The following HERC4 variants were observed in gnomAD, a reference collection of about 807,000 sequenced individuals.
The protein encoded by HERC4 is probable E3 ubiquitin-protein ligase HERC4.
HERC4 carries 28 observed loss-of-function variants against 124.3 expected under a neutral mutation model. The observed-to-expected ratio is 0.23, with a 90% confidence interval of 0.17 to 0.31. HERC4 has a LOEUF of 0.31. Ranked by LOEUF, HERC4 falls within the 10% of genes least tolerant of loss-of-function variation. The pLI is 1.00. For synonymous variants in HERC4, 407 were observed against 421.5 expected (o/e 0.97, Z 0.42); for missense variants, 713 against 1,229.3 (o/e 0.58, Z 6.28).
At position 68,069,699 on chromosome 10, in the gene HERC4, C is replaced by T. The variant is rs115256237; in HGVS notation, c.226+3184G>A. The T allele has an allele frequency of 1.5e-3, 1,497 of 985,410 alleles. 16 individuals carry two copies. The African/African-American group carries it at 0.025, about 16-fold the overall frequency. 61.0% of individuals were successfully genotyped at this position (985,410 alleles called of 1,614,324 possible). A position where few individuals can be genotyped will look rare whatever the true frequency, so the allele number is the denominator to read the frequency against. On this transcript the variant is annotated intron_variant, in intron 3 of 24. Transcript: ENST00000373700. ...TATAAAGCCAACCTATGTAAAGAAA[C>T]AATTCTTAGTTCCCTCCATTCCATG...
intron 19 of HERC4, among the ~76,000 whole-genome samples, chr10:67,951,220 C>T (rs1476262172): frequency 8.5e-5 from 13 of 152,108 alleles, no homozygotes; most frequent in Admixed American, 7.9e-4. Context: ...AGCACAGCCC[C>T]CAACCTCATA....
intron 7 of HERC4, 105 bp from the exon 8 acceptor site, chr10:68,025,781 C>T (rs1157953519): frequency 9.1e-6 from 10 of 1,096,930 alleles, no homozygotes; most frequent in Admixed American, 2.7e-5. Context: ...AGTTTTTTCT[C>T]TTCTAAGAAC....
intron 14 of HERC4, among the ~76,000 whole-genome samples, chr10:67,989,635 A>G (rs981017454): frequency 6.6e-6 from 1 of 152,192 alleles, no homozygotes; most frequent in East Asian, 1.9e-4. Flanking sequence ...ATGTAGCAAA[A>G]AAAGTATAAA....
chr10:68,009,252 G>A (rs1003898381), intron 9 of HERC4, among the ~76,000 whole-genome samples: 4 of 151,448 alleles, frequency 2.6e-5, no homozygotes, highest in Admixed American at 6.6e-5. Flanking sequence ...ATGTTTATAC[G>A]ATACTGTAGT....
At chr10:68,074,569 A>G (rs534746354) in intron 1 of HERC4, 1 of 152,356 alleles carries the variant, frequency 6.6e-6, no homozygotes, top group Non-Finnish European at 1.5e-5. Flanking sequence ...GGAAATGAGA[A>G]GCAGTTTAGT....
intron 16 of HERC4, chr10:67,958,992 T>G (rs904915457): frequency 9.7e-6 from 6 of 619,626 alleles, no homozygotes; most frequent in Non-Finnish European, 1.7e-5. Flanking sequence ...ATGATACATA[T>G]ATATCTATTT....
At chr10:68,008,175 G>A (rs192941958) in intron 9 of HERC4, among the ~76,000 whole-genome samples, 2 of 152,256 alleles carry the variant, frequency 1.3e-5, no homozygotes, top group East Asian at 3.9e-4. Flanking sequence ...TCTCTGTGCT[G>A]AGATTCTTAA....
chr10:67,943,764 A>G (rs2033107205), intron 19 of HERC4, among the ~76,000 whole-genome samples: 1 of 152,208 alleles, frequency 6.6e-6, no homozygotes, highest in African/African-American at 2.4e-5. Context: ...AAACACAGAC[A>G]CCCAGGGTTA....
intron 3 of HERC4, among the ~76,000 whole-genome samples, chr10:68,064,580 G>A (rs1443282092): frequency 4.8e-5 from 7 of 145,462 alleles, no homozygotes; most frequent in Admixed American, 6.8e-5. Flanking sequence ...AAAAAAAAGA[G>A]AGAGAGAGAA....
At chr10:67,928,297 T>C (rs2031378563) in intron 23 of HERC4, among the ~76,000 whole-genome samples, 1 of 152,142 alleles carries the variant, frequency 6.6e-6, no homozygotes, top group African/African-American at 2.4e-5. Flanking sequence ...GGAGTCCATT[T>C]CCACTGGGGG....
intron 19 of HERC4, among the ~76,000 whole-genome samples, chr10:67,953,245 A>C (rs1362096363): frequency 6.6e-6 from 1 of 152,238 alleles, no homozygotes; most frequent in Non-Finnish European, 1.5e-5. Context: ...CCTAAAAATA[A>C]GTTAGCTTAA....
intron 9 of HERC4, among the ~76,000 whole-genome samples, chr10:68,006,049 A>G (rs1170980616): frequency 6.6e-6 from 1 of 152,214 alleles, no homozygotes; most frequent in Non-Finnish European, 1.5e-5. Context: ...GCAAAGAGAA[A>G]AATGATAAAA....
intron 7 of HERC4, among the ~76,000 whole-genome samples, chr10:68,026,388 G>A (rs2038902235): frequency 6.6e-6 from 1 of 151,870 alleles, no homozygotes. Context: ...GAGCCACCAT[G>A]CATGGCCTTA....
chr10:67,991,115 A>C (rs1274325957), intron 12 of HERC4, 25 bp downstream of exon 12: 3 of 1,479,904 alleles, frequency 2.0e-6, no homozygotes, highest in Non-Finnish European at 1.8e-6. Context: ...TGAAAATTTC[A>C]GCATATTAAA....
At chr10:68,057,318 G>A (rs1277533814) in intron 3 of HERC4, among the ~76,000 whole-genome samples, 1 of 152,072 alleles carries the variant, frequency 6.6e-6, no homozygotes, top group Non-Finnish European at 1.5e-5. Context: ...TCATCATTTT[G>A]GGAAGGGCAG....
intron 3 of HERC4, among the ~76,000 whole-genome samples, chr10:68,045,038 A>T (rs941923821): frequency 6.6e-6 from 1 of 152,226 alleles, no homozygotes; most frequent in Non-Finnish European, 1.5e-5. Flanking sequence ...TTAAGGAAAC[A>T]GGCACGGTGT....
At chr10:68,054,290 T>C (rs1423819284) in intron 3 of HERC4, among the ~76,000 whole-genome samples, 2 of 152,070 alleles carry the variant, frequency 1.3e-5, no homozygotes, top group Non-Finnish European at 2.9e-5. Flanking sequence ...TATAATTTTT[T>C]TTTCTTTTCT....
chr10:67,972,849 T>C (rs1381108720), intron 15 of HERC4, among the ~76,000 whole-genome samples: 1 of 152,130 alleles, frequency 6.6e-6, no homozygotes, highest in Non-Finnish European at 1.5e-5. Context: ...ATAAACAACA[T>C]TTTTGCTATA....
At position 67,936,283 on chromosome 10, in the gene HERC4, A is replaced by T. The variant is rs762555807; in HGVS notation, c.2572-48T>A. ...AAAGTCAATGTCAGACTCAAAACTT[A>T]TAATAATCTATTATTATATTCTACC... On this transcript the variant is annotated intron_variant, in intron 21 of 24. Transcript: ENST00000373700. 4 of 1,050,622 alleles carry T rather than the reference A, an allele frequency of 3.8e-6. No individual in the cohort carries two copies. The African/African-American group carries it at 6.5e-5, about 17-fold the overall frequency. The allele number at this position is 1,050,622 out of a possible 1,614,324, so 65.1% of individuals were successfully genotyped here.
Sources: allele counts gnomAD v4.1 joint callset (sites outside exome capture counted in the v4.1 genomes callset), GRCh38; gene constraint gnomAD v4.1.1; transcripts MANE v1.5; gene names NCBI Gene and HGNC (gene_info 2026-07-23, HGNC 2026-07-21).